CEP350: variants seen among roughly 807,000 people sequenced by gnomAD.
The protein encoded by CEP350 is centrosomal protein 350, also known as centrosome-associated protein 350.
In CEP350, 126 loss-of-function variants were observed where a neutral mutation model predicts 331.8. That is an observed-to-expected ratio of 0.38 (90% confidence interval 0.33 to 0.44). The LOEUF (loss-of-function observed/expected upper bound fraction) is 0.44. Among genes scored for constraint, CEP350 ranks in the 20% least tolerant of loss-of-function variants. CEP350 has a pLI of 1.00. For synonymous variants in CEP350, 1,200 were observed against 1,259.5 expected, an observed-to-expected ratio of 0.95 and a Z score of 1.00; for missense variants, 3,406 against 3,634.6, an observed-to-expected ratio of 0.94 and a Z score of 1.62.
chr1:179,967,848 C>T (rs1003592861), intron 1 of CEP350, among the ~76,000 whole-genome samples: 6 of 151,830 alleles, frequency 4.0e-5, no homozygotes, highest in South Asian at 2.1e-4. Flanking sequence ...TACGTGTTAC[C>T]GTGTAAGATA....
At chr1:180,029,050 A>G (rs189749474) in intron 14 of CEP350, among the ~76,000 whole-genome samples, 14 of 152,248 alleles carry the variant, frequency 9.2e-5, no homozygotes, top group African/African-American at 2.6e-4. Context: ...TTTTAATTGT[A>G]TATGTTCCAT....
At chr1:179,996,202 A>G (rs952316778) in intron 5 of CEP350, among the ~76,000 whole-genome samples, 122 of 152,248 alleles carry the variant, frequency 8.0e-4, no homozygotes, top group Admixed American at 2.1e-3. Context: ...TTATTTTGCA[A>G]TCTTTAACTT....
At chr1:180,079,046 G>T (rs890403703) in intron 29 of CEP350, among the ~76,000 whole-genome samples, 3 of 151,990 alleles carry the variant, frequency 2.0e-5, no homozygotes, top group South Asian at 4.2e-4. Context: ...AATAACTTAT[G>T]TATAACTCAT....
Position 180,015,942 on chromosome 1 carries a change from C to T in CEP350, c.2146C>T (p.Leu716Phe), listed in dbSNP as rs1450834696. ...TGCATCTTCCAGTAGTGACATGTCT[C>T]TCTCAGAACCTCCACAGCCTCTTGC... The part of the protein sequence containing the change: ...PSASSSSDMS[L>F]SEPPQPLARK... Residue 716 changes from leucine to phenylalanine, a missense_variant, in exon 11 of 38, where the codon CTC becomes TTC. Transcript: ENST00000367607. The T allele has an allele frequency of 8.7e-6, 14 of 1,613,744 alleles. No individual in the cohort carries two copies. Among genetic ancestry groups the T allele is most frequent in the Non-Finnish European group, 1.2e-5 (14 of 1,179,774 alleles).
intron 7 of CEP350, among the ~76,000 whole-genome samples, chr1:180,003,785 G>T (rs953263894): frequency 6.6e-6 from 1 of 152,280 alleles, no homozygotes; most frequent in East Asian, 1.9e-4. Flanking sequence ...ACTACCTACC[G>T]AATAGTATGA....
chr1:179,990,568 TCATGGATACCAAGA>T lies in CEP350; in HGVS notation c.183_196del (p.Met62ValfsTer11). On this transcript the variant is annotated frameshift_variant, in exon 4 of 38. Transcript: ENST00000367607. LOFTEE classifies it high-confidence loss of function. ...ACAAGTACAGCTGTGTGTGATTCTG[TCATGGATACCAAGA>T]AGTCTTCTACAAGTGCTACTCGAAA... is the stretch of plus-strand genomic sequence containing the variant. The T allele has an allele frequency of 6.2e-7, 1 of 1,606,412 alleles. No individual in the cohort carries two copies. Among genetic ancestry groups the T allele is most frequent in the Non-Finnish European group, 8.5e-7 (1 of 1,175,892 alleles).
rs1168625433 is a variant in CEP350, at chr1:180,094,495, C to T, written c.8390C>T (p.Thr2797Ile). 1 of 1,613,770 alleles carries T rather than the reference C, an allele frequency of 6.2e-7. No homozygotes were observed. The highest frequency in any genetic ancestry group is 8.5e-7 in the Non-Finnish European group (1 of 1,179,840). The change falls in exon 34 of 38, where the codon ACA becomes ATA. Residue 2797 changes from threonine (T) to isoleucine (I), a missense_variant. Transcript: ENST00000367607. Reference sequence around the variant, plus strand: ...CTTGGTGATGACCAAAAGAAAGTAACACCCCAAGACCTATCCCAAAATGTT... The same window carrying T: ...CTTGGTGATGACCAAAAGAAAGTAATACCCCAAGACCTATCCCAAAATGTT... ...ELLGDDQKKV[T>I]PQDLSQNVEE...
intron 1 of CEP350, among the ~76,000 whole-genome samples, chr1:179,955,445 CGGA>C (rs1650102136): frequency 6.6e-6 from 1 of 152,180 alleles, no homozygotes; most frequent in South Asian, 2.1e-4. Context: ...CTTTGCTGCC[CGGA>C]GAAGTGTCCC....
chr1:180,097,417 T>C (rs897902384), intron 36 of CEP350, among the ~76,000 whole-genome samples: 1 of 152,218 alleles, frequency 6.6e-6, no homozygotes, highest in African/African-American at 2.4e-5. Flanking sequence ...CCTTTCACAA[T>C]TGAAAATGCT....
At position 180,033,899 on chromosome 1, in the gene CEP350, A is replaced by G. The variant is rs571973384; in HGVS notation, c.3763A>G (p.Thr1255Ala). 8.7e-6 allele frequency: 14 copies of G among 1,613,888 alleles called. No individual in the cohort carries two copies. The highest frequency in any genetic ancestry group is 6.7e-5 in the Admixed American group (4 of 60,016). Residue 1255 changes from threonine (T) to alanine (A), a missense_variant, in exon 16 of 38, where the codon ACT (threonine) becomes GCT (alanine). Transcript: ENST00000367607. ...TAAGGGAAGATCTCAGAAAACTCCA[A>G]CTTCTCCCCTGTCACCAAGTTCCCA... ...SDKGRSQKTP[T>A]SPLSPSSQKS...
At chr1:180,028,528 T>C (rs926994782) in intron 14 of CEP350, among the ~76,000 whole-genome samples, 10 of 152,122 alleles carry the variant, frequency 6.6e-5, no homozygotes, top group African/African-American at 2.4e-4. Flanking sequence ...GGTAGCTCAC[T>C]CCTATAATCT....
At chr1:179,974,412 G>A (rs1651694992) in intron 1 of CEP350, among the ~76,000 whole-genome samples, 1 of 152,134 alleles carries the variant, frequency 6.6e-6, no homozygotes, top group Non-Finnish European at 1.5e-5. Flanking sequence ...GCTCATAACA[G>A]CTTCTAATGC....
chr1:180,081,169 A>T lies in CEP350; in HGVS notation c.6124+508A>T, dbSNP rs542575876. Among the ~76,000 whole-genome samples the T allele has an allele frequency of 2.0e-5, 3 of 152,144 alleles. No homozygotes were observed. The East Asian group carries it at 5.8e-4, about 29-fold the overall frequency. On this transcript the variant is annotated intron_variant, in intron 30 of 37. Coordinates refer to ENST00000367607, the MANE Select transcript of CEP350 (RefSeq NM_014810.5). ...AGGCGTGAGCCACTGCACCCGGCCC[A>T]CTGTACTGCTTTTTGAATTCAGTTT... is the stretch of plus-strand genomic sequence containing the variant.
At chr1:179,977,665 G>A (rs1029278308) in intron 1 of CEP350, among the ~76,000 whole-genome samples, 1 of 152,128 alleles carries the variant, frequency 6.6e-6, no homozygotes, top group Non-Finnish European at 1.5e-5. Flanking sequence ...GCTACTGAAG[G>A]CTTAGGACAT....
intron 32 of CEP350, among the ~76,000 whole-genome samples, chr1:180,087,954 GT>G (rs1234676303): frequency 1.3e-5 from 2 of 151,938 alleles, no homozygotes; most frequent in African/African-American, 4.8e-5. Flanking sequence ...AATGAAAATG[GT>G]AGTTTCCAAC....
At chr1:180,104,508 G>T (rs982329614) in intron 37 of CEP350, among the ~76,000 whole-genome samples, 1 of 152,002 alleles carries the variant, frequency 6.6e-6, no homozygotes. Flanking sequence ...TCTCTCATGG[G>T]GATTCTTTTA....
At chr1:180,080,685 T>G (rs932373518) in intron 30 of CEP350, 24 bp downstream of exon 30, 1 of 1,604,892 alleles carries the variant, frequency 6.2e-7, no homozygotes, top group African/African-American at 1.3e-5. Flanking sequence ...TGAGGAGTTT[T>G]TATTTGTGTT....
At chr1:180,006,896 G>T (rs903123834) in intron 8 of CEP350, among the ~76,000 whole-genome samples, 2 of 152,156 alleles carry the variant, frequency 1.3e-5, no homozygotes, top group Non-Finnish European at 1.5e-5. Flanking sequence ...CTGAGAGAAT[G>T]ATGGTTTCCA....
At chr1:180,070,056 A>G (rs1658789827) in intron 27 of CEP350, among the ~76,000 whole-genome samples, 2 of 152,218 alleles carry the variant, frequency 1.3e-5, no homozygotes, top group Non-Finnish European at 2.9e-5. Flanking sequence ...CTTGTAAATT[A>G]GATGAATGTT....
Sources: allele counts gnomAD v4.1 joint callset (sites outside exome capture counted in the v4.1 genomes callset), GRCh38; gene constraint gnomAD v4.1.1; transcripts MANE v1.5; gene names NCBI Gene and HGNC (gene_info 2026-07-23, HGNC 2026-07-21).